RALGPS1: variants seen among roughly 807,000 people sequenced by gnomAD.
RALGPS1 encodes Ral GEF with PH domain and SH3 binding motif 1, also known as ras-specific guanine nucleotide-releasing factor RalGPS1.
RALGPS1 carries 19 observed loss-of-function variants against 78.8 expected under a neutral mutation model. The ratio of observed to expected loss-of-function variants is 0.24; its 90% CI spans 0.17 to 0.35. The LOEUF is 0.35. Ranked by LOEUF, RALGPS1 falls within the 10% of genes least tolerant of loss-of-function variation. The pLI is 1.00. For synonymous variants in RALGPS1, 228 were observed against 256.3 expected (o/e 0.89, Z 1.06); for missense variants, 454 against 688.3 (o/e 0.66, Z 3.81).
chr9:127,173,364 C>T (rs2059663551), intron 10 of RALGPS1, among the ~76,000 whole-genome samples: 1 of 152,198 alleles, frequency 6.6e-6, no homozygotes, highest in Admixed American at 6.5e-5. Context: ...CCAGTGAGAC[C>T]CCTCATTGGG....
rs2059751704 is a variant in RALGPS1, at chr9:127,174,643, T to C, written c.843-72T>C. On this transcript the variant is annotated intron_variant, in intron 10 of 18. Coordinates refer to ENST00000259351, the MANE Select transcript of RALGPS1 (RefSeq NM_014636.3). Reference sequence around the variant, plus strand: ...CTGGCTTCTGTGACTATAGTAGCTTTTCCCAGCCCCAAACAGGTTCCTGTG... The same window carrying C: ...CTGGCTTCTGTGACTATAGTAGCTTCTCCCAGCCCCAAACAGGTTCCTGTG... The C allele has an allele frequency of 2.9e-6, 4 of 1,398,392 alleles. No individual in the cohort carries two copies. In the South Asian group the frequency reaches 3.5e-5, roughly 12 times the overall value. 86.6% of individuals were successfully genotyped at this position (1,398,392 alleles called of 1,614,324 possible).
chr9:127,122,053 T>C lies in RALGPS1; in HGVS notation c.611-44016T>C, dbSNP rs920304502. 2.0e-5 allele frequency among the ~76,000 whole-genome samples: 3 copies of C among 152,296 alleles called. No individual in the cohort carries two copies. Among genetic ancestry groups the C allele is most frequent in the Middle Eastern group, 3.4e-3 (1 of 294 alleles). On this transcript the variant is annotated intron_variant, in intron 8 of 18. Transcript: ENST00000259351. The surrounding 1 kb of genome is among the most constrained non-coding windows in gnomAD (Gnocchi z 6.4). ...GCCGGCCGGCACCCCAAAGGCTCTT[T>C]GTCCAAAAGAGGAGAGTGAGGCTTA...
In RALGPS1 at chr9:127,183,890, C is replaced by T. The variant is rs896081936; in HGVS notation, c.910+9108C>T. ...AGTCTCCCATCTCAGCAGCCTGTCA[C>T]ATCAAGGTCAAGCAGAAGAGGCAAG... On this transcript the variant is annotated intron_variant, in intron 11 of 18. Transcript: ENST00000259351. The surrounding 1 kb of genome is among the most constrained non-coding windows in gnomAD (Gnocchi z 4.0). The T allele has an allele frequency of 9.7e-6, 15 of 1,549,852 alleles. No individual in the cohort carries two copies. The African/African-American group carries it at 2.1e-4, about 21-fold the overall frequency.
chr9:127,041,742 T>C (rs2047342052), intron 5 of RALGPS1, among the ~76,000 whole-genome samples: 1 of 152,136 alleles, frequency 6.6e-6, no homozygotes. Context: ...GTGAGAAGAC[T>C]CAGGGAGAAG....
rs1463378788 is a variant in RALGPS1 at position 127,211,621 on chromosome 9, G to T, written c.1248-510G>T. ...AGGTGGTGCTTGAGTCCCCAAGGGA[G>T]AGGGTGAGTGAAGAGCCCGGGAAAG... On this transcript the variant is annotated intron_variant, in intron 14 of 18. Coordinates refer to ENST00000259351, the MANE Select transcript of RALGPS1 (RefSeq NM_014636.3). The surrounding 1 kb of genome is among the most constrained non-coding windows in gnomAD (Gnocchi z 5.0). Among the ~76,000 whole-genome samples the T allele has an allele frequency of 6.6e-6, 1 of 152,110 alleles. No homozygotes were observed. Among genetic ancestry groups the T allele is most frequent in the Non-Finnish European group, 1.5e-5 (1 of 67,998 alleles).
chr9:127,208,915 T>TG (rs1353544672), intron 14 of RALGPS1, among the ~76,000 whole-genome samples: 1 of 152,148 alleles, frequency 6.6e-6, no homozygotes, highest in Non-Finnish European at 1.5e-5. Context: ...TCAGGTACTG[T>TG]GGGAATTCCG....
intron 8 of RALGPS1, among the ~76,000 whole-genome samples, chr9:127,084,418 C>T (rs1032870913): frequency 3.3e-5 from 5 of 152,186 alleles, no homozygotes; most frequent in African/African-American, 1.2e-4. Context: ...TCCTGTACTT[C>T]CTGCCCTGCC....
At chr9:127,014,550 T>G (rs921503839) in intron 4 of RALGPS1, among the ~76,000 whole-genome samples, 3 of 152,188 alleles carry the variant, frequency 2.0e-5, no homozygotes, top group African/African-American at 7.2e-5. Context: ...GAAGACTCTT[T>G]GGCTGTGAAA....
intron 14 of RALGPS1, among the ~76,000 whole-genome samples, chr9:127,208,586 C>T (rs558383171): frequency 1.3e-5 from 2 of 152,122 alleles, no homozygotes; most frequent in Admixed American, 6.5e-5. Flanking sequence ...GGTGGCAGCG[C>T]GAGTGCACTC....
Position 127,212,661 on chromosome 9 carries a change from C to T in RALGPS1, c.1388C>T (p.Ser463Leu), listed in dbSNP as rs2062341064. 6.2e-7 allele frequency: 1 copy of T among 1,613,546 alleles called. No individual in the cohort carries two copies. The highest frequency in any genetic ancestry group is 8.5e-7 in the Non-Finnish European group (1 of 1,179,622). The part of the protein sequence containing the change: ...SSWTRYWVIL[S>L]GSTLLYYGAK... ...TGGACCAGGTACTGGGTCATACTCT[C>T]AGGATCCACCCTCCTGTACTACGGA... Residue 463 changes from serine to leucine, a missense_variant, in exon 16 of 19, where the codon TCA becomes TTA. Ser to Leu is a moderately radical substitution (Grantham distance 145). Coordinates refer to ENST00000259351, the MANE Select transcript of RALGPS1 (RefSeq NM_014636.3). The surrounding 1 kb of genome is among the most constrained non-coding windows in gnomAD (Gnocchi z 6.0).
rs2055559250 is a variant in RALGPS1 at position 127,117,487 on chromosome 9, TC to T, written c.610+48133del. Among the ~76,000 whole-genome samples, 4 of 152,244 alleles carry T rather than the reference TC, an allele frequency of 2.6e-5. 1 individual carries two copies. The South Asian group carries it at 8.3e-4, about 32-fold the overall frequency. The stretch of plus-strand genomic sequence containing the variant: ...TAGAACAGGAACAAGGTGGGTGAGG[TC>T]CTTACCCTCAAGGGGTCCACGGTAG... On this transcript the variant is annotated intron_variant, in intron 8 of 18. Coordinates refer to ENST00000259351, the MANE Select transcript of RALGPS1 (RefSeq NM_014636.3).
chr9:126,920,333 G>C (rs914356672), intron 1 of RALGPS1, among the ~76,000 whole-genome samples: 1 of 152,182 alleles, frequency 6.6e-6, no homozygotes, highest in Non-Finnish European at 1.5e-5. Context: ...TGTGCTATAT[G>C]CTAGGTGTAG....
intron 4 of RALGPS1, among the ~76,000 whole-genome samples, chr9:127,029,769 A>G (rs2046265070): frequency 6.6e-6 from 1 of 152,158 alleles, no homozygotes; most frequent in Admixed American, 6.5e-5. Flanking sequence ...CTCCTTTCCC[A>G]AGGCCTTACG....
At chr9:126,936,839 G>T (rs1321752296) in intron 1 of RALGPS1, among the ~76,000 whole-genome samples, 1 of 150,880 alleles carries the variant, frequency 6.6e-6, no homozygotes, top group Admixed American at 6.6e-5. Flanking sequence ...GCAGGGAACA[G>T]GAACGGCACC....
intron 5 of RALGPS1, among the ~76,000 whole-genome samples, chr9:127,049,618 A>G (rs1309419526): frequency 6.6e-6 from 1 of 152,110 alleles, no homozygotes; most frequent in Non-Finnish European, 1.5e-5. Flanking sequence ...AAGTGTTCCT[A>G]CCAATATACA....
At chr9:127,063,782 A>G (rs538529182) in intron 7 of RALGPS1, among the ~76,000 whole-genome samples, 88 of 152,376 alleles carry the variant, frequency 5.8e-4, no homozygotes, top group African/African-American at 2.0e-3. Flanking sequence ...TTTAACGTAT[A>G]GTATTCTAAT....
chr9:127,015,689 G>A (rs898521031), intron 4 of RALGPS1, among the ~76,000 whole-genome samples: 1 of 152,156 alleles, frequency 6.6e-6, no homozygotes, highest in African/African-American at 2.4e-5. Context: ...TCATCTGGTT[G>A]TGTCTGCTCC....
intron 4 of RALGPS1, among the ~76,000 whole-genome samples, chr9:127,005,025 T>G (rs1357462879): frequency 6.6e-6 from 1 of 152,216 alleles, no homozygotes; most frequent in African/African-American, 2.4e-5. Context: ...CTGCTTAACT[T>G]AGACATGACT....
chr9:127,188,356 T>C (rs544420102), intron 11 of RALGPS1, among the ~76,000 whole-genome samples: 38 of 152,166 alleles, frequency 2.5e-4, no homozygotes, highest in African/African-American at 7.9e-4. Context: ...GCGGGGAAAA[T>C]GCACAGATAC....
Sources: gnomAD v4.1 joint callset for allele counts (sites outside exome capture counted in the v4.1 genomes callset) on GRCh38, gnomAD v4.1.1 for gene constraint, Gnocchi (gnomAD v3.1) non-coding constraint, MANE v1.5 for transcripts, NCBI Gene and HGNC (gene_info 2026-07-23, HGNC 2026-07-21) for gene names.